The following PHACTR1 variants were observed in gnomAD, a reference collection of about 807,000 sequenced individuals.
PHACTR1 encodes the protein phosphatase and actin regulator 1.
PHACTR1 carries 16 observed loss-of-function variants against 69.2 expected under a neutral mutation model. The ratio of observed to expected loss-of-function variants is 0.23; its 90% confidence interval spans 0.16 to 0.35. The LOEUF is 0.35. Among genes scored for constraint, PHACTR1 ranks in the 10% least tolerant of loss-of-function variants. The probability of loss-of-function intolerance (pLI) is 1.00; values close to 1 mark genes in which losing one functional copy is unlikely to be tolerated. For synonymous variants in PHACTR1, 312 were observed against 284.5 expected, an observed-to-expected ratio of 1.10 and a Z score of -0.97; for missense variants, 510 against 734.7, an observed-to-expected ratio of 0.69 and a Z score of 3.54.
chr6:12,914,494 A>G (rs1156908193), intron 4 of PHACTR1, among the ~76,000 whole-genome samples: 1 of 152,204 alleles, frequency 6.6e-6, no homozygotes, highest in East Asian at 1.9e-4. Flanking sequence ...CGCTGAAGAC[A>G]TCTGTATCAC....
chr6:13,013,711 C>A (rs1799722667), intron 4 of PHACTR1, among the ~76,000 whole-genome samples: 1 of 151,304 alleles, frequency 6.6e-6, no homozygotes, highest in African/African-American at 2.4e-5. Context: ...GCTGGGGCAG[C>A]GAGGTCGGCG....
chr6:13,280,608 C>T (rs983750800), intron 12 of PHACTR1: 4 of 278,514 alleles, frequency 1.4e-5, no homozygotes, highest in African/African-American at 2.3e-5. Context: ...CTGTAATGCA[C>T]TAGTAAGAAA....
Position 13,275,111 on chromosome 6 carries a change from C to T in PHACTR1, c.1447+2196C>T, listed in dbSNP as rs1252944915. On this transcript the variant is annotated intron_variant, in intron 11 of 14. Transcript: ENST00000332995. This position sits in a 1 kb window ranked among gnomAD's most constrained non-coding sequence, Gnocchi z 4.0. ...TCTGAGCTTTCAGCCATTTGAGGAA[C>T]TGCTCGGTGTTGGGTGGTGGGGAAC... The T allele has an allele frequency of 6.6e-6, 1 of 152,226 alleles. No individual in the cohort carries two copies. Among genetic ancestry groups the T allele is most frequent in the Non-Finnish European group, 1.5e-5 (1 of 68,048 alleles). 9.4% of individuals were successfully genotyped at this position (152,226 alleles called of 1,614,324 possible).
At chr6:12,952,607 A>G (rs1791428252) in intron 4 of PHACTR1, among the ~76,000 whole-genome samples, 1 of 152,196 alleles carries the variant, frequency 6.6e-6, no homozygotes, top group Non-Finnish European at 1.5e-5. Context: ...CAGTTTATTT[A>G]TGCATACGCC....
At chr6:12,861,356 C>A (rs1780920802) in intron 4 of PHACTR1, among the ~76,000 whole-genome samples, 1 of 152,224 alleles carries the variant, frequency 6.6e-6, no homozygotes, top group Non-Finnish European at 1.5e-5. Flanking sequence ...CACACAGGTC[C>A]TGTTAACCAA....
At chr6:13,015,624 T>C (rs1410004193) in intron 4 of PHACTR1, among the ~76,000 whole-genome samples, 1 of 152,224 alleles carries the variant, frequency 6.6e-6, no homozygotes, top group African/African-American at 2.4e-5. Flanking sequence ...ACTGGGAGTT[T>C]ATTTAAATTA....
chr6:13,278,200 T>C, intron 11 of PHACTR1, 68 bp from the exon 12 acceptor site: 1 of 1,474,252 alleles, frequency 6.8e-7, no homozygotes, highest in Non-Finnish European at 9.3e-7. Context: ...CCTGCCAAGG[T>C]CCAAAGGATG....
chr6:13,154,843 C>T (rs1238918852), intron 5 of PHACTR1, among the ~76,000 whole-genome samples: 1 of 151,990 alleles, frequency 6.6e-6, no homozygotes, highest in African/African-American at 2.4e-5. Context: ...CTTCTTTTTT[C>T]TTCCTTTTTC....
intron 8 of PHACTR1, among the ~76,000 whole-genome samples, chr6:13,210,726 G>T (rs4715157): frequency 0.12 from 18,037 of 152,130 alleles, 1,488 homozygotes; most frequent in Admixed American, 0.24. Flanking sequence ...AATCAGTGGG[G>T]TTATTGCATG....
chr6:13,086,472 C>T (rs1812326108), intron 5 of PHACTR1, among the ~76,000 whole-genome samples: 1 of 152,066 alleles, frequency 6.6e-6, no homozygotes, highest in Admixed American at 6.6e-5. Flanking sequence ...CTAAAAAATT[C>T]CTTCATTCCC....
At chr6:12,944,361 G>A (rs1351137369) in intron 4 of PHACTR1, among the ~76,000 whole-genome samples, 2 of 152,142 alleles carry the variant, frequency 1.3e-5, no homozygotes, top group African/African-American at 4.8e-5. Context: ...GCCTAAAAAT[G>A]CAAAACATAC....
chr6:12,790,193 A>G (rs1772087150), intron 4 of PHACTR1, among the ~76,000 whole-genome samples: 1 of 152,080 alleles, frequency 6.6e-6, no homozygotes, highest in African/African-American at 2.4e-5. Context: ...TCCTAATTTC[A>G]CTTAGAGTAA....
At chr6:12,878,944 G>A (rs550071855) in intron 4 of PHACTR1, among the ~76,000 whole-genome samples, 46 of 152,222 alleles carry the variant, frequency 3.0e-4, no homozygotes, top group Middle Eastern at 6.8e-3. Context: ...ATCATCACCC[G>A]TTTAAAATTT....
intron 5 of PHACTR1, among the ~76,000 whole-genome samples, chr6:13,090,844 G>A (rs1813141003): frequency 6.6e-6 from 1 of 152,162 alleles, no homozygotes; most frequent in Non-Finnish European, 1.5e-5. Context: ...CAACATTTCT[G>A]CAGACTGGGG....
At chr6:13,040,364 C>G (rs927213178) in intron 4 of PHACTR1, among the ~76,000 whole-genome samples, 2 of 152,114 alleles carry the variant, frequency 1.3e-5, no homozygotes, top group African/African-American at 4.8e-5. Flanking sequence ...GAAAAAGGAA[C>G]AAGCACAAAT....
intron 4 of PHACTR1, among the ~76,000 whole-genome samples, chr6:12,814,007 G>A (rs909352234): frequency 3.3e-5 from 5 of 152,164 alleles, no homozygotes; most frequent in African/African-American, 4.8e-5. Flanking sequence ...TCTGAGCACC[G>A]CTGTTCATTC....
intron 4 of PHACTR1, among the ~76,000 whole-genome samples, chr6:12,803,044 A>G (rs780084909): frequency 2.6e-5 from 4 of 152,224 alleles, no homozygotes; most frequent in Admixed American, 6.5e-5. Flanking sequence ...CGTGTGTTAA[A>G]ATTCCAGGCT....
intron 4 of PHACTR1, among the ~76,000 whole-genome samples, chr6:12,792,563 C>T (rs1255566695): frequency 6.9e-6 from 1 of 145,890 alleles, no homozygotes; most frequent in African/African-American, 2.5e-5. Context: ...AACTCAAATG[C>T]AGTGCTATAG....
At chr6:13,282,384 A>G (rs985900922) in intron 12 of PHACTR1, among the ~76,000 whole-genome samples, 2 of 152,236 alleles carry the variant, frequency 1.3e-5, no homozygotes, top group African/African-American at 4.8e-5. Flanking sequence ...AAGGGTCTTC[A>G]TGGCTAATAT....
Sources: gnomAD v4.1 joint callset for allele counts (sites outside exome capture counted in the v4.1 genomes callset) on GRCh38, gnomAD v4.1.1 for gene constraint, Gnocchi (gnomAD v3.1) non-coding constraint, MANE v1.5 for transcripts, NCBI Gene and HGNC (gene_info 2026-07-23, HGNC 2026-07-21) for gene names.